DPYD: variants seen among roughly 807,000 people sequenced by gnomAD.
DPYD encodes the protein dihydropyrimidine dehydrogenase.
A neutral mutation model predicts 116.2 loss-of-function variants in DPYD; 109 were observed. That is an observed-to-expected ratio of 0.94 (90% CI 0.80 to 1.10). DPYD has a LOEUF of 1.10. Among genes scored for constraint, DPYD ranks in the 50% least tolerant of loss-of-function variants. The pLI is 0.00. For missense variants in DPYD, 1,302 were observed against 1,254.5 expected (o/e 1.04, Z -0.57); for synonymous variants, 440 against 432.0 (o/e 1.02, Z -0.23).
At chr1:97,782,629 C>G (rs867651656) in intron 3 of DPYD, among the ~76,000 whole-genome samples, 3 of 152,084 alleles carry the variant, frequency 2.0e-5, no homozygotes, top group Non-Finnish European at 4.4e-5. Flanking sequence ...AGTAAAAGCA[C>G]AGAAAGTAAA....
chr1:97,573,749 C>A lies in DPYD; in HGVS notation c.1339+11G>T. 1 of 1,613,328 alleles carries A rather than the reference C, an allele frequency of 6.2e-7. No individual in the cohort carries two copies. On this transcript the variant is annotated intron_variant, in intron 11 of 22. Transcript: ENST00000370192. ...CAATTGCATCACACATTTCAGCTCC[C>A]AGCACTGTACCTTTAGGATCACTCA...
chr1:97,362,161 C>T (rs897340645), intron 16 of DPYD, among the ~76,000 whole-genome samples: 11 of 152,148 alleles, frequency 7.2e-5, no homozygotes, highest in East Asian at 1.9e-4. Flanking sequence ...ACACCAATAA[C>T]GGACAAACAG....
intron 18 of DPYD, among the ~76,000 whole-genome samples, chr1:97,254,256 T>C (rs1002695680): frequency 6.6e-6 from 1 of 152,178 alleles, no homozygotes; most frequent in Non-Finnish European, 1.5e-5. Context: ...GCTCTAGGCA[T>C]TGCACTGTAC....
At chr1:97,693,597 A>G (rs928853510) in intron 6 of DPYD, among the ~76,000 whole-genome samples, 6 of 152,148 alleles carry the variant, frequency 3.9e-5, no homozygotes, top group African/African-American at 1.2e-4. Context: ...ACAGACACAC[A>G]GACTTGATAG....
At chr1:97,493,252 A>C in intron 13 of DPYD, among the ~76,000 whole-genome samples, 1 of 152,160 alleles carries the variant, frequency 6.6e-6, no homozygotes, top group East Asian at 1.9e-4. Flanking sequence ...TAATGTTGGG[A>C]CACCTTTAAA....
intron 16 of DPYD, among the ~76,000 whole-genome samples, chr1:97,336,865 T>C (rs960609960): frequency 6.6e-6 from 1 of 152,176 alleles, no homozygotes; most frequent in Admixed American, 6.6e-5. Flanking sequence ...GGGTAGAAAC[T>C]GAAGTGGTCA....
At chr1:97,734,291 T>C (rs978971805) in intron 4 of DPYD, among the ~76,000 whole-genome samples, 2 of 152,124 alleles carry the variant, frequency 1.3e-5, no homozygotes, top group Non-Finnish European at 2.9e-5. Context: ...ATTGAAGAAG[T>C]AATTAATTTT....
At position 97,236,684 on chromosome 1, in the gene DPYD, T is replaced by TATCTGTTACACTCATAGAATGC. The variant is rs1553239412; in HGVS notation, c.2300-1712_2300-1691dup. On this transcript the variant is annotated intron_variant, in intron 18 of 22. Coordinates refer to ENST00000370192, the MANE Select transcript of DPYD (RefSeq NM_000110.4). ...ACACACAAAACACACTTAGAGAATG[T>TATCTGTTACACTCATAGAATGC]ATCTGTTACACTCATAGAATGCCCA... Among the ~76,000 whole-genome samples the TATCTGTTACACTCATAGAATGC allele has an allele frequency of 6.6e-5, 10 of 152,320 alleles. 1 individual carries two copies. The Middle Eastern group carries it at 0.014, about 207-fold the overall frequency.
chr1:97,812,109 A>T (rs1668375047), intron 3 of DPYD, among the ~76,000 whole-genome samples: 1 of 152,114 alleles, frequency 6.6e-6, no homozygotes, highest in Non-Finnish European at 1.5e-5. Flanking sequence ...ATGATTTTAG[A>T]ATTAATAAAT....
At chr1:97,243,611 A>G (rs1212161645) in intron 18 of DPYD, among the ~76,000 whole-genome samples, 3 of 151,914 alleles carry the variant, frequency 2.0e-5, no homozygotes, top group Non-Finnish European at 4.4e-5. Flanking sequence ...AGAAGAGTTA[A>G]TAATAATAAT....
chr1:97,845,721 G>T (rs1012407302), intron 2 of DPYD, among the ~76,000 whole-genome samples: 1 of 152,196 alleles, frequency 6.6e-6, no homozygotes, highest in Non-Finnish European at 1.5e-5. Context: ...TGAAGGAGAG[G>T]AGAGCTGTGG....
At chr1:97,438,354 A>G (rs1189704739) in intron 14 of DPYD, among the ~76,000 whole-genome samples, 1 of 152,060 alleles carries the variant, frequency 6.6e-6, no homozygotes, top group Non-Finnish European at 1.5e-5. Context: ...CTATGAATAC[A>G]GTATATTCTT....
intron 8 of DPYD, among the ~76,000 whole-genome samples, chr1:97,620,130 T>C (rs1656544924): frequency 6.6e-6 from 1 of 152,146 alleles, no homozygotes; most frequent in South Asian, 2.1e-4. Context: ...TTCCAATTGA[T>C]ACACAGGGCA....
chr1:97,416,575 T>C (rs1265257758), intron 14 of DPYD, among the ~76,000 whole-genome samples: 1 of 152,216 alleles, frequency 6.6e-6, no homozygotes, highest in East Asian at 1.9e-4. Context: ...GCCACTGATA[T>C]ATCACTTCTC....
chr1:97,744,423 GAATT>G (rs1243624461), intron 3 of DPYD, among the ~76,000 whole-genome samples: 1 of 151,806 alleles, frequency 6.6e-6, no homozygotes, highest in African/African-American at 2.4e-5. Flanking sequence ...TTAAATGGCT[GAATT>G]AATTTCTTTC....
intron 8 of DPYD, among the ~76,000 whole-genome samples, chr1:97,670,205 A>T (rs1355717356): frequency 6.6e-6 from 1 of 152,204 alleles, no homozygotes; most frequent in Non-Finnish European, 1.5e-5. Flanking sequence ...ATCCTTCAAC[A>T]TCAATATTCT....
intron 3 of DPYD, among the ~76,000 whole-genome samples, chr1:97,816,214 C>T (rs1042125428): frequency 3.3e-5 from 5 of 151,426 alleles, no homozygotes; most frequent in African/African-American, 1.2e-4. Flanking sequence ...GCTGGGACTA[C>T]AGGTGCCAAA....
intron 20 of DPYD, among the ~76,000 whole-genome samples, chr1:97,173,335 T>C (rs1247758697): frequency 7.1e-6 from 1 of 141,748 alleles, no homozygotes; most frequent in Non-Finnish European, 1.6e-5. Flanking sequence ...CACATATATG[T>C]GTATATATGC....
At chr1:97,301,070 T>A (rs1403656468) in intron 18 of DPYD, among the ~76,000 whole-genome samples, 1 of 152,096 alleles carries the variant, frequency 6.6e-6, no homozygotes, top group South Asian at 2.1e-4. Context: ...ACAGCTAGAT[T>A]TCAAATCATT....
Sources: allele counts gnomAD v4.1 joint callset (sites outside exome capture counted in the v4.1 genomes callset), GRCh38; gene constraint gnomAD v4.1.1; transcripts MANE v1.5; gene names NCBI Gene and HGNC (gene_info 2026-07-23, HGNC 2026-07-21).